The following SPTBN2 variants were observed in gnomAD, a reference collection of about 807,000 sequenced individuals.
SPTBN2 encodes the protein spectrin beta, non-erythrocytic 2, also known as spectrin beta chain, non-erythrocytic 2.
SPTBN2 carries 107 observed loss-of-function variants against 284.2 expected under a neutral mutation model. The observed-to-expected ratio is 0.38, with a 90% confidence interval of 0.32 to 0.44. The LOEUF (loss-of-function observed/expected upper bound fraction) is 0.44, where lower values mean the gene tolerates loss of function less well. Among genes scored for constraint, SPTBN2 ranks in the 20% least tolerant of loss-of-function variants. The probability of loss-of-function intolerance (pLI) is 1.00; values close to 1 mark genes in which losing one functional copy is unlikely to be tolerated. For synonymous variants in SPTBN2, 1,289 were observed against 1,354.8 expected (o/e 0.95, Z 1.07); for missense variants, 2,569 against 3,287.1 (o/e 0.78, Z 5.34).
rs75920767 is a variant in SPTBN2, at chr11:66,684,314, G to A, written c.*1557C>T. On this transcript the variant is annotated 3_prime_UTR_variant, in exon 38 of 38. Coordinates refer to ENST00000533211, the MANE Select transcript of SPTBN2 (RefSeq NM_006946.4). ...ACCAGAGACAAAGGAGAAGCCACCCGCTCCTTTCTAATACTTCATCAGATC... is the reference window on the plus strand; with the variant it reads ...ACCAGAGACAAAGGAGAAGCCACCCACTCCTTTCTAATACTTCATCAGATC... Among the ~76,000 whole-genome samples, 232 of 152,260 alleles carry A rather than the reference G, an allele frequency of 1.5e-3. 5 individuals carry two copies. The East Asian group carries it at 0.039, about 25-fold the overall frequency.
At position 66,688,307 on chromosome 11, in the gene SPTBN2, TCTAG is replaced by T. The variant is rs1940292441; in HGVS notation, c.6232_6235del (p.Leu2078ArgfsTer238). 6.3e-7 allele frequency: 1 copy of T among 1,588,374 alleles called. No homozygotes were observed. The highest frequency in any genetic ancestry group is 8.6e-7 in the Non-Finnish European group (1 of 1,167,166). The stretch of plus-strand genomic sequence containing the variant: ...TCTCTTTCGCTCCTTCTCCCGCTCC[TCTAG>T]CTGTCAAAAAATGCTGCATTCAGCG... On this transcript the variant is annotated frameshift_variant and splice_region_variant, in exon 32 of 38. Transcript: ENST00000533211. LOFTEE classifies it high-confidence loss of function.
At chr11:66,701,451 C>T in intron 16 of SPTBN2, 133 bp downstream of exon 16, 1 of 1,549,084 alleles carries the variant, frequency 6.5e-7, no homozygotes, top group East Asian at 2.3e-5. Flanking sequence ...TTTTTCCTTC[C>T]CCAACATATT....
At chr11:66,731,307 A>G (rs1942812291), upstream of SPTBN2, among the ~76,000 whole-genome samples, 1 of 152,222 alleles carries the variant, frequency 6.6e-6, no homozygotes, top group Non-Finnish European at 1.5e-5. Context: ...TTTGCTCTGT[A>G]GTGAACCAGT....
rs1309085295 is a variant in SPTBN2, at chr11:66,683,260, G to A, written c.*2611C>T. Among the ~76,000 whole-genome samples, 1 of 151,412 alleles carries A rather than the reference G, an allele frequency of 6.6e-6. No individual in the cohort carries two copies. Among genetic ancestry groups the A allele is most frequent in the Non-Finnish European group, 1.5e-5 (1 of 67,888 alleles). ...TTTTTGTATTTTTAGTAGAGACGGG[G>A]TTTCACCGTTTTAGCCGGGATGGTC... On this transcript the variant is annotated 3_prime_UTR_variant, in exon 38 of 38. Transcript: ENST00000533211.
At position 66,685,081 on chromosome 11, in the gene SPTBN2, A is replaced by C; in HGVS notation, c.*790T>G. The stretch of plus-strand genomic sequence containing the variant: ...TGGTCAACCCAGCACACTGGAGGTC[A>C]CTGTCAGAGGGAAATGAGACCAGGT... On this transcript the variant is annotated 3_prime_UTR_variant, in exon 38 of 38. Coordinates refer to ENST00000533211, the MANE Select transcript of SPTBN2 (RefSeq NM_006946.4). The surrounding 1 kb of genome is among the most constrained non-coding windows in gnomAD (Gnocchi z 4.4). Among the ~76,000 whole-genome samples the C allele has an allele frequency of 6.6e-6, 1 of 152,198 alleles. No homozygotes were observed. The highest frequency in any genetic ancestry group is 1.5e-5 in the Non-Finnish European group (1 of 68,026).
Position 66,700,905 on chromosome 11 carries a change from C to T in SPTBN2, c.3194G>A (p.Arg1065Gln), listed in dbSNP as rs753324919. Reference protein sequence around the residue: ...RRREESLGEARRLQDFLRSLD... With the variant: ...RRREESLGEAQRLQDFLRSLD... ...GCTGCGCAAGAAGTCCTGCAGCCGCCGCGCCTCCCCCAGCGACTCTTCTCG... is the reference window on the plus strand; with the variant it reads ...GCTGCGCAAGAAGTCCTGCAGCCGCTGCGCCTCCCCCAGCGACTCTTCTCG... Residue 1065 changes from arginine to glutamine, a missense_variant, in exon 17 of 38, where the codon CGG becomes CAG. By Grantham distance (43) the Arg-to-Gln change is conservative. Transcript: ENST00000533211. The surrounding 1 kb of genome is among the most constrained non-coding windows in gnomAD (Gnocchi z 6.6). 6.7e-5 allele frequency: 107 copies of T among 1,600,740 alleles called. No individual in the cohort carries two copies. The highest frequency in any genetic ancestry group is 1.2e-4 in the Admixed American group (7 of 59,996).
In SPTBN2 at chr11:66,693,126, G is replaced by A; in HGVS notation, c.4855-26C>T. 1 of 1,614,234 alleles carries A rather than the reference G, an allele frequency of 6.2e-7. No individual in the cohort carries two copies. The highest frequency in any genetic ancestry group is 8.5e-7 in the Non-Finnish European group (1 of 1,180,038). Reference sequence around the variant, plus strand: ...CTGGGGGAAGGGACAGTGGCATCCAGCATCAGGTCAGGGGAGGGCAGAACT... The same window carrying A: ...CTGGGGGAAGGGACAGTGGCATCCAACATCAGGTCAGGGGAGGGCAGAACT... On this transcript the variant is annotated intron_variant, in intron 24 of 37. Transcript: ENST00000533211. This position sits in a 1 kb window ranked among gnomAD's most constrained non-coding sequence, Gnocchi z 5.7.
intron 1 of SPTBN2, among the ~76,000 whole-genome samples, chr11:66,722,023 C>T (rs556666860): frequency 2.2e-4 from 34 of 152,138 alleles, no homozygotes; most frequent in South Asian, 1.0e-3. Flanking sequence ...CTAGATTCTG[C>T]TCTTGAGTTA....
At chr11:66,728,325 G>A (rs1415172117) in intron 1 of SPTBN2, 2 of 145,602 alleles carry the variant, frequency 1.4e-5, no homozygotes, top group East Asian at 2.0e-4. Context: ...CGCGGGGGGC[G>A]CGCGGGGCGG....
upstream of SPTBN2, among the ~76,000 whole-genome samples, chr11:66,731,486 G>A (rs546175678): frequency 6.6e-6 from 1 of 152,286 alleles, no homozygotes; most frequent in East Asian, 1.9e-4. Context: ...TACATACATA[G>A]CCGAATTCTC....
intron 3 of SPTBN2, 89 bp downstream of exon 3, chr11:66,720,995 A>G: frequency 6.4e-7 from 1 of 1,563,600 alleles, no homozygotes; most frequent in South Asian, 1.1e-5. Context: ...AAGAAAAGTC[A>G]GTCTTCCCAT....
In SPTBN2 at chr11:66,685,618, A is replaced by C; in HGVS notation, c.*253T>G. On this transcript the variant is annotated 3_prime_UTR_variant, in exon 38 of 38. Coordinates refer to ENST00000533211, the MANE Select transcript of SPTBN2 (RefSeq NM_006946.4). The surrounding 1 kb of genome is among the most constrained non-coding windows in gnomAD (Gnocchi z 4.4). The stretch of plus-strand genomic sequence containing the variant: ...AGGGACAGAGGCACGAGGCTGGGGA[A>C]AGGGGAGAAGTCGGCGGGGGTGGGA... 8.1e-6 allele frequency: 4 copies of C among 495,622 alleles called. No homozygotes were observed. Among genetic ancestry groups the C allele is most frequent in the Non-Finnish European group, 1.1e-5 (3 of 269,366 alleles). The allele number at this position is 495,622 out of a possible 1,614,324, so 30.7% of individuals were successfully genotyped here.
At chr11:66,704,184 G>A (rs1292088794) in intron 15 of SPTBN2, among the ~76,000 whole-genome samples, 3 of 152,002 alleles carry the variant, frequency 2.0e-5, no homozygotes, top group Non-Finnish European at 4.4e-5. Flanking sequence ...ATGTTAGCCA[G>A]GATGGTCTCG....
At position 66,710,767 on chromosome 11, in the gene SPTBN2, C is replaced by A; in HGVS notation, c.888G>T (p.Val296=). Residue 296 remains valine (V), a splice_region_variant and synonymous_variant, in exon 10 of 38, where the codon GTG becomes GTT. Transcript: ENST00000533211. This position sits in a 1 kb window ranked among gnomAD's most constrained non-coding sequence, Gnocchi z 4.9. ...LAVEGKRIGK[V]LDHAMEAERL... ...GCTCTGCCTCCATGGCATGGTCCAG[C>A]ACCTGGGAGGCAGAAGACAGGGACG... is the stretch of plus-strand genomic sequence containing the variant. 1 of 1,613,956 alleles carries A rather than the reference C, an allele frequency of 6.2e-7. No homozygotes were observed. Among genetic ancestry groups the A allele is most frequent in the Non-Finnish European group, 8.5e-7 (1 of 1,180,036 alleles).
intron 21 of SPTBN2, among the ~76,000 whole-genome samples, chr11:66,696,012 C>A (rs1335054289): frequency 6.6e-6 from 1 of 152,236 alleles, no homozygotes; most frequent in Non-Finnish European, 1.5e-5. Context: ...GCTGAGATTA[C>A]AGGCATGAGC....
chr11:66,727,645 C>A (rs1942669067), intron 1 of SPTBN2, among the ~76,000 whole-genome samples: 1 of 152,290 alleles, frequency 6.6e-6, no homozygotes, highest in South Asian at 2.1e-4. Flanking sequence ...CACAGCCAAC[C>A]GCGTGCCCCT....
rs1177999148 is a variant in SPTBN2, at chr11:66,686,007, G to A, written c.7037C>T (p.Thr2346Ile). 6.2e-7 allele frequency: 1 copy of A among 1,613,716 alleles called. No individual in the cohort carries two copies. The highest frequency in any genetic ancestry group is 8.5e-7 in the Non-Finnish European group (1 of 1,179,992). The part of the protein sequence containing the change: ...EPEEPVVPST[T>I]RGMTRAMTMP... ...GGTCATGGCCCGGGTCATGCCCCGGGTGGTGCTGGGCACCACCGGCTCTTC... is the reference window on the plus strand; with the variant it reads ...GGTCATGGCCCGGGTCATGCCCCGGATGGTGCTGGGCACCACCGGCTCTTC... The change falls in exon 38 of 38, where the codon ACC (threonine) becomes ATC (isoleucine). Residue 2346 changes from threonine to isoleucine, a missense_variant. Thr to Ile is a moderately conservative substitution (Grantham distance 89). Coordinates refer to ENST00000533211, the MANE Select transcript of SPTBN2 (RefSeq NM_006946.4).
At chr11:66,686,933 G>A (rs548996409) in intron 36 of SPTBN2, 61 bp downstream of exon 36, 14 of 1,607,582 alleles carry the variant, frequency 8.7e-6, no homozygotes, top group African/African-American at 6.7e-5. Flanking sequence ...CCTGACTCAT[G>A]GCTCACCTGT....
Position 66,691,479 on chromosome 11 carries a change from C to T in SPTBN2, c.5370G>A (p.Leu1790=), listed in dbSNP as rs1940544914. 3 of 1,611,808 alleles carry T rather than the reference C, an allele frequency of 1.9e-6. No individual in the cohort carries two copies. The highest frequency in any genetic ancestry group is 1.3e-5 in the African/African-American group (1 of 74,948). The stretch of plus-strand genomic sequence containing the variant: ...CGGCCAGCACCTGACCCCGTGTGTC[C>T]AGCAGCTCAAGCAGGTCAGCCCAGG... ...NEAWADLLEL[L]DTRGQVLAAA... Residue 1790 remains leucine, a synonymous_variant, in exon 27 of 38, where the codon CTG becomes CTA. Coordinates refer to ENST00000533211, the MANE Select transcript of SPTBN2 (RefSeq NM_006946.4). The surrounding 1 kb of genome is among the most constrained non-coding windows in gnomAD (Gnocchi z 8.0).
Sources: allele counts gnomAD v4.1 joint callset (sites outside exome capture counted in the v4.1 genomes callset), GRCh38; gene constraint gnomAD v4.1.1; non-coding constraint Gnocchi (gnomAD v3.1); transcripts MANE v1.5; gene names NCBI Gene and HGNC (gene_info 2026-07-23, HGNC 2026-07-21).